The following FSTL5 variants were observed in gnomAD, a reference collection of about 807,000 sequenced individuals.
The protein encoded by FSTL5 is follistatin like 5.
A neutral mutation model predicts 89.1 loss-of-function variants in FSTL5; 62 were observed. That is an observed-to-expected ratio of 0.70 (90% CI 0.57 to 0.86). FSTL5 has a LOEUF of 0.86. Ranked by LOEUF, FSTL5 falls within the 40% of genes least tolerant of loss-of-function variation. FSTL5 has a pLI of 0.00. For missense variants in FSTL5, 1,057 were observed against 1,001.6 expected (o/e 1.06, Z -0.75); for synonymous variants, 383 against 346.2 (o/e 1.11, Z -1.18).
At chr4:161,577,473 C>CAAAA (rs544029134) in intron 8 of FSTL5, among the ~76,000 whole-genome samples, 5 of 110,200 alleles carry the variant, frequency 4.5e-5, no homozygotes, top group Admixed American at 1.0e-4. Flanking sequence ...AGAAAAAAGA[C>CAAAA]AAAAAAAAAA....
intron 3 of FSTL5, among the ~76,000 whole-genome samples, chr4:161,969,002 C>T: frequency 6.6e-6 from 1 of 150,964 alleles, no homozygotes; most frequent in Non-Finnish European, 1.5e-5. Flanking sequence ...TGCCCAAGGC[C>T]TTGTCCCTAT....
chr4:161,828,253 TG>T (rs937667903), intron 4 of FSTL5, among the ~76,000 whole-genome samples: 1 of 152,298 alleles, frequency 6.6e-6, no homozygotes, highest in Non-Finnish European at 1.5e-5. Flanking sequence ...GGTGTGTGTC[TG>T]GGGGTGGACA....
chr4:162,092,838 A>C (rs1730598752), intron 2 of FSTL5, among the ~76,000 whole-genome samples: 1 of 150,306 alleles, frequency 6.7e-6, no homozygotes, highest in South Asian at 2.1e-4. Flanking sequence ...TATCCCAGCT[A>C]CTCAGGAGGC....
rs1736131454 is a variant in FSTL5 at position 161,992,200 on chromosome 4, G to A, written c.160+41425C>T. ...GTCACGAAAGAGAGTGGTTTGAGCA[G>A]AGGAATGACTTTATCTGAATGGCTC... is the stretch of plus-strand genomic sequence containing the variant. On this transcript the variant is annotated intron_variant, in intron 3 of 15. Coordinates refer to ENST00000306100, the MANE Select transcript of FSTL5 (RefSeq NM_020116.5). Among the ~76,000 whole-genome samples the A allele has an allele frequency of 1.3e-5, 2 of 152,204 alleles. 1 individual carries two copies. The highest frequency in any genetic ancestry group is 4.8e-5 in the African/African-American group (2 of 41,452).
At chr4:161,493,633 A>AT (rs1362619672) in intron 12 of FSTL5, among the ~76,000 whole-genome samples, 1 of 143,356 alleles carries the variant, frequency 7.0e-6, no homozygotes, top group African/African-American at 2.4e-5. Flanking sequence ...TTGTATCAAT[A>AT]TTTTTTTCCA....
chr4:161,862,685 C>T (rs1344030802), intron 4 of FSTL5, among the ~76,000 whole-genome samples: 3 of 151,900 alleles, frequency 2.0e-5, no homozygotes, highest in Non-Finnish European at 4.4e-5. Flanking sequence ...TGAGCCGAGA[C>T]CCAGCCACTG....
intron 7 of FSTL5, among the ~76,000 whole-genome samples, chr4:161,634,138 A>G (rs1369265637): frequency 1.3e-5 from 2 of 152,242 alleles, no homozygotes; most frequent in Non-Finnish European, 1.5e-5. Flanking sequence ...ATGTTAGACC[A>G]TGCTCCAATA....
chr4:162,029,701 T>G (rs945810783), intron 3 of FSTL5, among the ~76,000 whole-genome samples: 3 of 151,944 alleles, frequency 2.0e-5, no homozygotes, highest in Admixed American at 6.6e-5. Flanking sequence ...TTATGTAAAT[T>G]TGCAAGAGAG....
intron 15 of FSTL5, among the ~76,000 whole-genome samples, chr4:161,453,364 A>C (rs1230459645): frequency 6.6e-6 from 1 of 152,166 alleles, no homozygotes; most frequent in Non-Finnish European, 1.5e-5. Context: ...AAATAACAAA[A>C]GAATATTTAT....
chr4:161,638,691 AC>A (rs1735827684), intron 7 of FSTL5, among the ~76,000 whole-genome samples: 1 of 134,802 alleles, frequency 7.4e-6, no homozygotes, highest in Admixed American at 8.1e-5. Context: ...CAGAGACACA[AC>A]CAAAAAAGAG....
At chr4:161,419,225 A>T (rs1222023001) in intron 15 of FSTL5, among the ~76,000 whole-genome samples, 1 of 152,180 alleles carries the variant, frequency 6.6e-6, no homozygotes, top group Non-Finnish European at 1.5e-5. Context: ...ATATTTTTTC[A>T]TAGTTTATGT....
At chr4:162,119,778 G>A (rs1321672895) in intron 1 of FSTL5, among the ~76,000 whole-genome samples, 1 of 151,960 alleles carries the variant, frequency 6.6e-6, no homozygotes, top group African/African-American at 2.4e-5. Context: ...CCTCCCATCT[G>A]GCTCTAATTT....
chr4:161,653,253 A>G (rs896987179), intron 7 of FSTL5, among the ~76,000 whole-genome samples: 5 of 152,174 alleles, frequency 3.3e-5, no homozygotes, highest in African/African-American at 1.2e-4. Flanking sequence ...AAATTGGCCT[A>G]TTGGAGACCC....
chr4:161,853,378 G>A (rs564242140), intron 4 of FSTL5, among the ~76,000 whole-genome samples: 1 of 151,738 alleles, frequency 6.6e-6, no homozygotes, highest in African/African-American at 2.4e-5. Context: ...AGTGATTCTT[G>A]TGCCTCAGTC....
intron 3 of FSTL5, among the ~76,000 whole-genome samples, chr4:162,027,837 GGTAA>G (rs1385580093): frequency 6.6e-6 from 1 of 151,688 alleles, no homozygotes; most frequent in Non-Finnish European, 1.5e-5. Flanking sequence ...TTTGCTGTGA[GGTAA>G]GTAATACTCA....
Position 161,675,283 on chromosome 4 carries a change from CTT to C in FSTL5, c.728-18791_728-18790del, listed in dbSNP as rs535179785. Reference sequence around the variant, plus strand: ...ATGATAAATACATTTGTTATTTTATCTTTGAATTTGGGCTATAAAAACTGTAA... The same window carrying C: ...ATGATAAATACATTTGTTATTTTATCTGAATTTGGGCTATAAAAACTGTAA... On this transcript the variant is annotated intron_variant, in intron 6 of 15. Transcript: ENST00000306100. 6.4e-3 allele frequency among the ~76,000 whole-genome samples: 975 copies of C among 151,900 alleles called. 9 individuals are homozygous for C. Among genetic ancestry groups the C allele is most frequent in the Non-Finnish European group, 9.2e-3 (622 of 67,896 alleles).
chr4:161,494,388 T>C (rs185434637), intron 12 of FSTL5, among the ~76,000 whole-genome samples: 174 of 152,282 alleles, frequency 1.1e-3, no homozygotes, highest in African/African-American at 4.1e-3. Context: ...AATGACTATT[T>C]TTGAGGACCA....
intron 8 of FSTL5, among the ~76,000 whole-genome samples, chr4:161,556,862 A>ATATATATATATATATATATATATATATAT (rs1182255819): frequency 4.0e-5 from 6 of 149,772 alleles, no homozygotes; most frequent in Non-Finnish European, 4.5e-5. Flanking sequence ...ATATATATAT[A>ATATATATATATATATATATATATATATAT]ATCCTGGATT....
At chr4:162,130,205 G>A (rs573181799) in intron 1 of FSTL5, among the ~76,000 whole-genome samples, 9 of 152,234 alleles carry the variant, frequency 5.9e-5, no homozygotes, top group African/African-American at 2.2e-4. Flanking sequence ...TGTTTTCACT[G>A]TCTATGTGGG....
Sources: gnomAD v4.1 joint callset for allele counts (sites outside exome capture counted in the v4.1 genomes callset) on GRCh38, gnomAD v4.1.1 for gene constraint, MANE v1.5 for transcripts, NCBI Gene and HGNC (gene_info 2026-07-23, HGNC 2026-07-21) for gene names.